Variants in MCTP1 observed in about 807,000 individuals in gnomAD.
MCTP1 encodes the protein multiple C2 and transmembrane domain containing 1, also known as multiple C2 and transmembrane domain-containing protein 1.
In MCTP1, 69 loss-of-function variants were observed where a neutral mutation model predicts 120.6. The ratio of observed to expected loss-of-function variants is 0.57; its 90% CI spans 0.47 to 0.70. MCTP1 has a LOEUF of 0.70. Among genes scored for constraint, MCTP1 ranks in the 30% least tolerant of loss-of-function variants. The probability of loss-of-function intolerance (pLI) is 0.00; values close to 1 mark genes in which losing one functional copy is unlikely to be tolerated. For synonymous variants in MCTP1, 529 were observed against 493.1 expected (o/e 1.07, Z -0.96); for missense variants, 1,203 against 1,248.8 (o/e 0.96, Z 0.55).
intron 1 of MCTP1, among the ~76,000 whole-genome samples, chr5:95,161,955 G>T (rs372262147): frequency 1.3e-5 from 2 of 152,246 alleles, no homozygotes; most frequent in East Asian, 3.9e-4. Flanking sequence ...CTGATCAAGT[G>T]GGGAGATGTT....
rs1427075529 is a variant in MCTP1, at chr5:94,706,511, A to G, written c.*985T>C. 6.6e-6 allele frequency: 1 copy of G among 151,746 alleles called. No homozygotes were observed. Among genetic ancestry groups the G allele is most frequent in the East Asian group, 1.9e-4 (1 of 5,160 alleles). The allele number at this position is 151,746 out of a possible 1,614,324, so 9.4% of individuals were successfully genotyped here. On this transcript the variant is annotated 3_prime_UTR_variant, in exon 23 of 23. Coordinates refer to ENST00000515393, the MANE Select transcript of MCTP1 (RefSeq NM_024717.7). Reference sequence around the variant, plus strand: ...CTTAGCACACTGAATTCTCTACATTAAAATTCACACTAATAACAAAATCAT... The same window carrying G: ...CTTAGCACACTGAATTCTCTACATTGAAATTCACACTAATAACAAAATCAT...
rs183622391 is a variant in MCTP1 at position 94,873,603 on chromosome 5, C to T, written c.1934-362G>A. ...AGTTTTTATAGAAATCTGTAAGAGCCGTTTGAAAAGTTCAGCCCCTTCACT... is the reference window on the plus strand; with the variant it reads ...AGTTTTTATAGAAATCTGTAAGAGCTGTTTGAAAAGTTCAGCCCCTTCACT... On this transcript the variant is annotated intron_variant, in intron 12 of 22. Transcript: ENST00000515393. Among the ~76,000 whole-genome samples, 96 of 151,964 alleles carry T rather than the reference C, an allele frequency of 6.3e-4. 4 individuals are homozygous for T. The East Asian group carries it at 0.014, about 22-fold the overall frequency.
At chr5:94,847,007 G>A (rs74528225) in intron 17 of MCTP1, among the ~76,000 whole-genome samples, 1 of 152,152 alleles carries the variant, frequency 6.6e-6, no homozygotes, top group African/African-American at 2.4e-5. Flanking sequence ...AACTTGGGAA[G>A]CAGGGCCCAG....
Position 94,986,762 on chromosome 5 carries a change from C to T in MCTP1, c.838+30605G>A, listed in dbSNP as rs535012599. Among the ~76,000 whole-genome samples the T allele has an allele frequency of 7.4e-4, 112 of 152,216 alleles. 1 individual carries two copies. Among genetic ancestry groups the T allele is most frequent in the African/African-American group, 2.6e-3 (107 of 41,530 alleles). ...CTGATCTCAAGTGATCCAACCGCCT[C>T]GGCCTCCCAAAGTGCTGGGATTACA... On this transcript the variant is annotated intron_variant, in intron 2 of 22. Coordinates refer to ENST00000515393, the MANE Select transcript of MCTP1 (RefSeq NM_024717.7).
At position 95,251,510 on chromosome 5, in the gene MCTP1, C is replaced by T. The variant is rs1052892749; in HGVS notation, c.720+32346G>A. On this transcript the variant is annotated intron_variant, in intron 1 of 22. Transcript: ENST00000515393. ...TCACTAGAAGAGTAATTTTTTTAAA[C>T]ACGTTTCTCAAATTTAGGGAAAGTA... Among the ~76,000 whole-genome samples, 10 of 152,096 alleles carry T rather than the reference C, an allele frequency of 6.6e-5. No homozygotes were observed. The East Asian group carries it at 1.9e-3, about 29-fold the overall frequency.
intron 19 of MCTP1, among the ~76,000 whole-genome samples, chr5:94,719,372 C>A (rs964087313): frequency 2.0e-5 from 3 of 152,134 alleles, no homozygotes; most frequent in Non-Finnish European, 2.9e-5. Flanking sequence ...ATGTTAATTG[C>A]AGACTATTCA....
intron 1 of MCTP1, among the ~76,000 whole-genome samples, chr5:95,051,980 G>A (rs1275159266): frequency 2.0e-5 from 3 of 151,906 alleles, no homozygotes; most frequent in Non-Finnish European, 2.9e-5. Context: ...CCAAACCCCC[G>A]TGACACACAA....
intron 6 of MCTP1, chr5:94,930,872 G>A (rs1458988468): frequency 6.6e-6 from 1 of 152,070 alleles, no homozygotes; most frequent in Non-Finnish European, 1.5e-5. Flanking sequence ...ATTTTGATTA[G>A]TGAAAATCAC....
At chr5:94,749,776 C>T (rs1340175832) in intron 19 of MCTP1, among the ~76,000 whole-genome samples, 2 of 151,646 alleles carry the variant, frequency 1.3e-5, no homozygotes, top group African/African-American at 4.8e-5. Flanking sequence ...CAGTGATTCT[C>T]CTGCTAGAGA....
rs1347917584 is a variant in MCTP1 at position 94,704,467 on chromosome 5, A to G, written c.*3029T>C. The G allele has an allele frequency of 1.3e-5, 2 of 151,466 alleles. No homozygotes were observed. The highest frequency in any genetic ancestry group is 4.8e-5 in the African/African-American group (2 of 41,350). The allele number at this position is 151,466 out of a possible 1,614,324, so 9.4% of individuals were successfully genotyped here. On this transcript the variant is annotated 3_prime_UTR_variant, in exon 23 of 23. Coordinates refer to ENST00000515393, the MANE Select transcript of MCTP1 (RefSeq NM_024717.7). ...AATAACATTAATACAAATGTAGACT[A>G]CTTTGAGCATAGGAGACCTTAGATA...
chr5:94,896,359 GA>G (rs1803990100), intron 10 of MCTP1, among the ~76,000 whole-genome samples: 1 of 152,120 alleles, frequency 6.6e-6, no homozygotes, highest in Non-Finnish European at 1.5e-5. Context: ...CTATAATTCA[GA>G]CAATATTTTT....
intron 19 of MCTP1, among the ~76,000 whole-genome samples, chr5:94,773,327 G>A (rs1774519444): frequency 6.6e-6 from 1 of 152,164 alleles, no homozygotes; most frequent in South Asian, 2.1e-4. Context: ...GATTTGGGAG[G>A]CTGGTTTTCC....
intron 4 of MCTP1, among the ~76,000 whole-genome samples, chr5:94,941,442 T>C (rs746993646): frequency 4.6e-5 from 7 of 151,838 alleles, no homozygotes; most frequent in Non-Finnish European, 8.8e-5. Context: ...GTGCTCAAAC[T>C]AAGTTGATTG....
At chr5:94,846,600 G>A (rs185110172) in intron 17 of MCTP1, among the ~76,000 whole-genome samples, 37 of 152,266 alleles carry the variant, frequency 2.4e-4, no homozygotes, top group Non-Finnish European at 4.4e-4. Flanking sequence ...CCAAAACCCT[G>A]TGACATGCAG....
intron 1 of MCTP1, among the ~76,000 whole-genome samples, chr5:95,044,839 T>C (rs553754253): frequency 2.6e-5 from 4 of 152,010 alleles, no homozygotes; most frequent in Middle Eastern, 3.4e-3. Context: ...CGAGCCCCCG[T>C]CATCCCTAAC....
chr5:94,787,975 T>C (rs2152973728), intron 18 of MCTP1, among the ~76,000 whole-genome samples: 1 of 152,284 alleles, frequency 6.6e-6, no homozygotes, highest in African/African-American at 2.4e-5. Flanking sequence ...AAGTAGAAGG[T>C]TTGGAATTTA....
At chr5:94,970,096 T>C (rs1826456604) in intron 2 of MCTP1, among the ~76,000 whole-genome samples, 1 of 151,982 alleles carries the variant, frequency 6.6e-6, no homozygotes, top group Admixed American at 6.6e-5. Context: ...ATATAGCACA[T>C]AGATTAATTT....
chr5:95,137,756 T>C (rs1260959179), intron 1 of MCTP1, among the ~76,000 whole-genome samples: 2 of 152,210 alleles, frequency 1.3e-5, no homozygotes, highest in Non-Finnish European at 2.9e-5. Flanking sequence ...CAAATATTTG[T>C]GGAATAAAGC....
chr5:94,885,120 G>A (rs1800973811), intron 12 of MCTP1, among the ~76,000 whole-genome samples: 3 of 151,944 alleles, frequency 2.0e-5, no homozygotes, highest in African/African-American at 7.3e-5. Context: ...TGAAGGAGAT[G>A]GTGCATTAAT....
Sources: allele counts gnomAD v4.1 joint callset (sites outside exome capture counted in the v4.1 genomes callset), GRCh38; gene constraint gnomAD v4.1.1; transcripts MANE v1.5; gene names NCBI Gene and HGNC (gene_info 2026-07-23, HGNC 2026-07-21).